Variants in KCTD19 observed in about 807,000 individuals in gnomAD.
The protein encoded by KCTD19 is potassium channel tetramerization domain containing 19, also known as BTB/POZ domain-containing protein KCTD19.
Under a neutral mutation model 103.5 loss-of-function variants are expected in KCTD19, and 67 were observed. The observed-to-expected ratio is 0.65, with a 90% confidence interval of 0.53 to 0.79. The LOEUF (loss-of-function observed/expected upper bound fraction) is 0.79, where lower values mean the gene tolerates loss of function less well. Among genes scored for constraint, KCTD19 ranks in the 30% least tolerant of loss-of-function variants. KCTD19 has a pLI of 0.00. For synonymous variants in KCTD19, 439 were observed against 452.2 expected (o/e 0.97, Z 0.37); for missense variants, 980 against 1,136.1 (o/e 0.86, Z 1.98).
intron 10 of KCTD19, 88 bp downstream of exon 10, chr16:67,294,885 T>C: frequency 8.6e-7 from 1 of 1,156,492 alleles, no homozygotes; most frequent in East Asian, 2.4e-5. Context: ...GAGATCAGGA[T>C]CCTCTAGGAG....
rs546051462 is a variant in KCTD19, at chr16:67,299,797, G to T, written c.776-224C>A. The T allele has an allele frequency of 4.6e-5, 25 of 546,028 alleles. 1 individual carries two copies. The Admixed American group carries it at 6.7e-4, about 15-fold the overall frequency. The allele number at this position is 546,028 out of a possible 1,614,324, so 33.8% of individuals were successfully genotyped here. A position where few individuals can be genotyped will look rare whatever the true frequency, so the allele number is the denominator to read the frequency against. ...ATTTGTTGGGAGGTGAGTTGGGAGT[G>T]GGGGGATTCATTTGCTGTATCACTA... is the stretch of plus-strand genomic sequence containing the variant. On this transcript the variant is annotated intron_variant, in intron 5 of 15. Transcript: ENST00000304372.
Position 67,320,686 on chromosome 16 carries a change from T to A in KCTD19, c.203A>T (p.Tyr68Phe). ...GGAGAGTTTGGAGGTGTAGAGGTAA[T>A]AGTGCACGTGCCTAAATGTGGAACC... The part of the protein sequence containing the change: ...RDGSTFRHVH[Y>F]YLYTSKLSFS... The change falls in exon 2 of 16, where the codon TAT (tyrosine) becomes TTT (phenylalanine). Residue 68 changes from tyrosine (Y) to phenylalanine (F), a missense_variant. By Grantham distance (22) the Tyr-to-Phe change is conservative (BLOSUM62 3). Transcript: ENST00000304372. This position sits in a 1 kb window ranked among gnomAD's most constrained non-coding sequence, Gnocchi z 4.0. 6.2e-7 allele frequency: 1 copy of A among 1,614,140 alleles called. No homozygotes were observed. Among genetic ancestry groups the A allele is most frequent in the Non-Finnish European group, 8.5e-7 (1 of 1,180,020 alleles).
intron 2 of KCTD19, among the ~76,000 whole-genome samples, chr16:67,312,826 T>C (rs1313417151): frequency 6.6e-6 from 1 of 152,182 alleles, no homozygotes; most frequent in Non-Finnish European, 1.5e-5. Context: ...ATTACCACCA[T>C]AGAACAAACC....
rs918808425 is a variant in KCTD19 at position 67,325,199 on chromosome 16, C to CTTTTTTTTTTTTTTTTTT, written c.3+1505_3+1506insAAAAAAAAAAAAAAAAAA. ...CTTTCTTTCTTTTTTTTCTTTTTTT[C>CTTTTTTTTTTTTTTTTTT]TTTTTTTCTTTTTTTTTTTTTTTGA... On this transcript the variant is annotated intron_variant, in intron 1 of 15. Coordinates refer to ENST00000304372, the MANE Select transcript of KCTD19 (RefSeq NM_001100915.3). 3.7e-4 allele frequency among the ~76,000 whole-genome samples: 49 copies of CTTTTTTTTTTTTTTTTTT among 132,352 alleles called. 2 individuals carry two copies. Among genetic ancestry groups the CTTTTTTTTTTTTTTTTTT allele is most frequent in the African/African-American group, 1.6e-3 (47 of 29,134 alleles). The allele number at this position is 132,352 out of a possible 152,430, so 86.8% of individuals were successfully genotyped here. A position where few individuals can be genotyped will look rare whatever the true frequency, so the allele number is the denominator to read the frequency against.
At chr16:67,301,561 C>T (rs568405991) in intron 5 of KCTD19, among the ~76,000 whole-genome samples, 1 of 152,110 alleles carries the variant, frequency 6.6e-6, no homozygotes, top group Non-Finnish European at 1.5e-5. Context: ...GCTTTCTACA[C>T]CCCTGGCTGG....
rs2036694060 is a variant in KCTD19 at position 67,291,476 on chromosome 16, G to A, written c.2411-13C>T. On this transcript the variant is annotated splice_polypyrimidine_tract_variant and intron_variant, in intron 13 of 15. Coordinates refer to ENST00000304372, the MANE Select transcript of KCTD19 (RefSeq NM_001100915.3). ...AGGAAAGTCACTTCTGTGGAGGAGG[G>A]AAAGTGGATGTGGCCACATCTGTCA... The A allele has an allele frequency of 6.2e-7, 1 of 1,612,022 alleles. No individual in the cohort carries two copies. Among genetic ancestry groups the A allele is most frequent in the South Asian group, 1.1e-5 (1 of 90,756 alleles).
chr16:67,303,110 G>GCCCCC lies in KCTD19; in HGVS notation c.643+35_643+36insGGGGG. On this transcript the variant is annotated intron_variant, in intron 4 of 15. Transcript: ENST00000304372. The surrounding 1 kb of genome is among the most constrained non-coding windows in gnomAD (Gnocchi z 4.3). ...GGGGAGGGGTGAATGGGCCCTATCA[G>GCCCCC]CCCGCCCCCCACCCCACCCCGGACA... The GCCCCC allele has an allele frequency of 6.3e-6, 6 of 947,040 alleles. No homozygotes were observed. The highest frequency in any genetic ancestry group is 2.9e-5 in the South Asian group (2 of 68,116). The allele number at this position is 947,040 out of a possible 1,614,324, so 58.7% of individuals were successfully genotyped here.
At chr16:67,311,704 AGT>A (rs1263065746) in intron 2 of KCTD19, among the ~76,000 whole-genome samples, 1 of 151,772 alleles carries the variant, frequency 6.6e-6, no homozygotes, top group Non-Finnish European at 1.5e-5. Context: ...TGAACTTCAA[AGT>A]GTGTGTGTGT....
rs1381266246 is a variant in KCTD19, at chr16:67,320,397, A to T, written c.300+192T>A. Among the ~76,000 whole-genome samples, 2 of 152,120 alleles carry T rather than the reference A, an allele frequency of 1.3e-5. No homozygotes were observed. The highest frequency in any genetic ancestry group is 2.4e-5 in the African/African-American group (1 of 41,418). Reference sequence around the variant, plus strand: ...AAACAAAAGCAGGTAATTTCAGTGTATTGTTTATTACTTTTTTTTCCTTTT... The same window carrying T: ...AAACAAAAGCAGGTAATTTCAGTGTTTTGTTTATTACTTTTTTTTCCTTTT... On this transcript the variant is annotated intron_variant, in intron 2 of 15. Coordinates refer to ENST00000304372, the MANE Select transcript of KCTD19 (RefSeq NM_001100915.3). The surrounding 1 kb of genome is among the most constrained non-coding windows in gnomAD (Gnocchi z 4.0).
At chr16:67,306,058 C>T (rs867158863) in intron 2 of KCTD19, among the ~76,000 whole-genome samples, 6 of 152,250 alleles carry the variant, frequency 3.9e-5, no homozygotes, top group Middle Eastern at 6.8e-3. Context: ...ACAGTGTGTG[C>T]GTGGAACGCT....
rs190821373 is a variant in KCTD19 at position 67,303,190 on chromosome 16, G to A, written c.599C>T (p.Thr200Met). 2.1e-5 allele frequency: 34 copies of A among 1,612,490 alleles called. 1 individual carries two copies. Among genetic ancestry groups the A allele is most frequent in the South Asian group, 1.9e-4 (17 of 91,040 alleles). ...GCACTCGCACTCGATGAGGGCCACCGTCTCAGCCAGCCACAGCAGGTTGTC... is the reference window on the plus strand; with the variant it reads ...GCACTCGCACTCGATGAGGGCCACCATCTCAGCCAGCCACAGCAGGTTGTC... ...TEDNLLWLAE[T>M]VALIECECSE... Residue 200 changes from threonine to methionine, a missense_variant, in exon 4 of 16, where the codon ACG (threonine) becomes ATG (methionine). Transcript: ENST00000304372. The surrounding 1 kb of genome is among the most constrained non-coding windows in gnomAD (Gnocchi z 4.3).
chr16:67,295,390 A>G lies in KCTD19; in HGVS notation c.1264T>C (p.Ser422Pro). 6.2e-7 allele frequency: 1 copy of G among 1,612,910 alleles called. No homozygotes were observed. The highest frequency in any genetic ancestry group is 8.5e-7 in the Non-Finnish European group (1 of 1,179,072). The stretch of plus-strand genomic sequence containing the variant: ...ATCCAGTACACTCTCTGAGGGTTGG[A>G]CAGCAGTTCTGGATACTGGAGGGGG... The part of the protein sequence containing the change: ...QTLLKYPELL[S>P]NPQRVYWITY... The change falls in exon 9 of 16, where the codon TCC (serine) becomes CCC (proline). Residue 422 changes from serine to proline, a missense_variant. Ser to Pro is a moderately conservative substitution (Grantham distance 74). Transcript: ENST00000304372.
At chr16:67,319,239 A>G (rs1193024948) in intron 2 of KCTD19, among the ~76,000 whole-genome samples, 2 of 152,202 alleles carry the variant, frequency 1.3e-5, no homozygotes, top group Non-Finnish European at 2.9e-5. Context: ...AAAAAAAAAA[A>G]AAGAAAATTT....
chr16:67,309,783 C>T (rs1032070252), intron 2 of KCTD19, among the ~76,000 whole-genome samples: 2 of 152,116 alleles, frequency 1.3e-5, no homozygotes, highest in Non-Finnish European at 2.9e-5. Context: ...TGGATGTGTC[C>T]TCTGGAATGG....
At position 67,299,378 on chromosome 16, in the gene KCTD19, A is replaced by G; in HGVS notation, c.971T>C (p.Leu324Pro). ...AGGACCTCACTTGACGTGCTGAAAGAGGACGCCATTCCCTGTGATGTACAG... is the reference window on the plus strand; with the variant it reads ...AGGACCTCACTTGACGTGCTGAAAGGGGACGCCATTCCCTGTGATGTACAG... ...SRLYITGNGV[L>P]FQHVKNWLGT... The change falls in exon 6 of 16, where the codon CTC becomes CCC. Residue 324 changes from leucine to proline, a missense_variant. Leu to Pro is a moderately conservative substitution (Grantham distance 98). Coordinates refer to ENST00000304372, the MANE Select transcript of KCTD19 (RefSeq NM_001100915.3). 1 of 1,614,218 alleles carries G rather than the reference A, an allele frequency of 6.2e-7. No homozygotes were observed. Among genetic ancestry groups the G allele is most frequent in the Non-Finnish European group, 8.5e-7 (1 of 1,180,020 alleles).
chr16:67,291,171 C>T, intron 14 of KCTD19, 138 bp downstream of exon 14: 2 of 1,215,736 alleles, frequency 1.6e-6, no homozygotes, highest in Non-Finnish European at 2.3e-6. Flanking sequence ...CTCCCTGTCC[C>T]ACCACTCTTC....
chr16:67,306,204 TGA>T (rs1194760973), intron 2 of KCTD19, among the ~76,000 whole-genome samples: 1 of 152,162 alleles, frequency 6.6e-6, no homozygotes, highest in African/African-American at 2.4e-5. Flanking sequence ...TTACGTATAC[TGA>T]GATTAGAGCC....
At chr16:67,291,503 T>C (rs1475334988) in intron 13 of KCTD19, 40 bp from the exon 14 acceptor site, 1 of 1,602,026 alleles carries the variant, frequency 6.2e-7, no homozygotes, top group Admixed American at 1.7e-5. Context: ...CATCTGTCAA[T>C]AGCTAGGGCC....
rs760146670 is a variant in KCTD19 at position 67,303,384 on chromosome 16, G to A, written c.452-47C>T. 2 of 1,521,644 alleles carry A rather than the reference G, an allele frequency of 1.3e-6. No homozygotes were observed. The highest frequency in any genetic ancestry group is 1.4e-5 in the African/African-American group (1 of 72,756). The allele number at this position is 1,521,644 out of a possible 1,614,324, so 94.3% of individuals were successfully genotyped here. A position where few individuals can be genotyped will look rare whatever the true frequency, so the allele number is the denominator to read the frequency against. On this transcript the variant is annotated intron_variant, in intron 3 of 15. Coordinates refer to ENST00000304372, the MANE Select transcript of KCTD19 (RefSeq NM_001100915.3). This position sits in a 1 kb window ranked among gnomAD's most constrained non-coding sequence, Gnocchi z 4.3. ...GTGTTGCCACCTCTCAGAAGCCAGG[G>A]ATCTGATTCCAGCAGGGCTTTCACT...
Sources: gnomAD v4.1 joint callset for allele counts (sites outside exome capture counted in the v4.1 genomes callset) on GRCh38, gnomAD v4.1.1 for gene constraint, Gnocchi (gnomAD v3.1) non-coding constraint, MANE v1.5 for transcripts, NCBI Gene and HGNC (gene_info 2026-07-23, HGNC 2026-07-21) for gene names.